OR56A3: variants seen among roughly 807,000 people sequenced by gnomAD.
OR56A3 encodes olfactory receptor 56A3.
Under a neutral mutation model 17.5 loss-of-function variants are expected in OR56A3, and 23 were observed. That is an observed-to-expected ratio of 1.32 (90% CI 0.95 to 1.87). OR56A3 has a LOEUF of 1.87. Ranked by LOEUF, OR56A3 falls within the 40% of genes most tolerant of loss-of-function variation. OR56A3 has a pLI of 0.00. For synonymous variants in OR56A3, 175 were observed against 150.6 expected (o/e 1.16, Z -1.19); for missense variants, 366 against 380.1 (o/e 0.96, Z 0.31).
the OR56A3 span, among the ~76,000 whole-genome samples, chr11:5,956,903 T>C: frequency 6.6e-6 from 1 of 152,184 alleles, no homozygotes; most frequent in African/African-American, 2.4e-5. Flanking sequence ...ACGCCTGTAA[T>C]CCCAGCACTT....
the OR56A3 span, chr11:6,007,064 G>A: frequency 1.3e-5 from 2 of 152,178 alleles, no homozygotes; most frequent in Non-Finnish European, 2.9e-5. Flanking sequence ...TGGATCCTGG[G>A]GCCCTATGGT....
chr11:6,006,014 T>C, the OR56A3 span, among the ~76,000 whole-genome samples: 1 of 152,052 alleles, frequency 6.6e-6, no homozygotes, highest in African/African-American at 2.4e-5. Flanking sequence ...GTGATTAAGA[T>C]CTGAACAAAA....
chr11:6,018,040 GTA>G, the OR56A3 span, among the ~76,000 whole-genome samples: 2,020 of 20,638 alleles, frequency 0.098, 42 homozygotes, highest in African/African-American at 0.24. Context: ...GTGTGTGTGT[GTA>G]TATATATATA....
At chr11:5,989,286 G>A in the OR56A3 span, among the ~76,000 whole-genome samples, 2 of 152,266 alleles carry the variant, frequency 1.3e-5, no homozygotes, top group Admixed American at 6.5e-5. Flanking sequence ...TTTAGCTAAG[G>A]AGTCAGAGAA....
chr11:5,960,988 G>C, the OR56A3 span, among the ~76,000 whole-genome samples: 1 of 150,852 alleles, frequency 6.6e-6, no homozygotes, highest in East Asian at 2.0e-4. Flanking sequence ...GTCTCTGACC[G>C]GCCGCCCCAT....
chr11:6,008,254 G>A, the OR56A3 span, among the ~76,000 whole-genome samples: 1 of 152,240 alleles, frequency 6.6e-6, no homozygotes, highest in South Asian at 2.1e-4. Flanking sequence ...AAATGTAGAT[G>A]GAATATAATC....
At position 5,948,969 on chromosome 11, in the gene OR56A3, T is replaced by G. The variant is rs138148444; in HGVS notation, c.*675T>G. The G allele has an allele frequency of 6.6e-6, 1 of 152,422 alleles. No homozygotes were observed. The highest frequency in any genetic ancestry group is 1.5e-5 in the Non-Finnish European group (1 of 68,078). 9.4% of individuals were successfully genotyped at this position (152,422 alleles called of 1,614,324 possible). ...ATGAGTTTTACTGGATATATGAGAT[T>G]CTTGAATCCTCTTCCCCAATGTGTC... On this transcript the variant is annotated 3_prime_UTR_variant, in exon 3 of 3. Coordinates refer to ENST00000641160, the MANE Select transcript of OR56A3 (RefSeq NM_001003443.3).
At position 5,951,084 on chromosome 11, in the gene OR56A3, G is replaced by T. The variant is rs534039492; in HGVS notation, c.*2790G>T. 1 of 152,054 alleles carries T rather than the reference G, an allele frequency of 6.6e-6. No homozygotes were observed. Among genetic ancestry groups the T allele is most frequent in the South Asian group, 2.1e-4 (1 of 4,818 alleles). 9.4% of individuals were successfully genotyped at this position (152,054 alleles called of 1,614,324 possible). Reference sequence around the variant, plus strand: ...TGCAATAACATGAGTGCTAAATCTTGGAAACCAAGGTGAGAAGATTTATTT... The same window carrying T: ...TGCAATAACATGAGTGCTAAATCTTTGAAACCAAGGTGAGAAGATTTATTT... On this transcript the variant is annotated 3_prime_UTR_variant, in exon 3 of 3. Coordinates refer to ENST00000641160, the MANE Select transcript of OR56A3 (RefSeq NM_001003443.3).
the OR56A3 span, chr11:6,002,825 G>C: frequency 6.2e-7 from 1 of 1,613,900 alleles, no homozygotes; most frequent in African/African-American, 1.3e-5. Flanking sequence ...GGTGCAGAGA[G>C]GCCTCCAGCT....
At chr11:5,955,746 T>C (rs1221933753), downstream of OR56A3, among the ~76,000 whole-genome samples, 1 of 152,210 alleles carries the variant, frequency 6.6e-6, no homozygotes, top group African/African-American at 2.4e-5. Flanking sequence ...AATTTTTCTC[T>C]TTTCACTCTT....
At chr11:6,018,350 A>G in the OR56A3 span, among the ~76,000 whole-genome samples, 3 of 152,158 alleles carry the variant, frequency 2.0e-5, no homozygotes, top group African/African-American at 7.2e-5. Context: ...AACAAATCTC[A>G]ACAAATTTTT....
At chr11:5,986,425 C>T in the OR56A3 span, 1 of 1,613,980 alleles carries the variant, frequency 6.2e-7, no homozygotes, top group Non-Finnish European at 8.5e-7. Context: ...TAGTAATCCC[C>T]TCACCAGCAC....
chr11:6,017,438 T>C, the OR56A3 span, among the ~76,000 whole-genome samples: 5 of 152,118 alleles, frequency 3.3e-5, no homozygotes, highest in Admixed American at 6.5e-5. Context: ...AAGTCACATC[T>C]AAGGGAGCAT....
At position 5,948,347 on chromosome 11, in the gene OR56A3, T is replaced by C; in HGVS notation, c.*53T>C. 1 of 1,259,316 alleles carries C rather than the reference T, an allele frequency of 7.9e-7. No homozygotes were observed. Among genetic ancestry groups the C allele is most frequent in the South Asian group, 1.4e-5 (1 of 73,260 alleles). 78.0% of individuals were successfully genotyped at this position (1,259,316 alleles called of 1,614,324 possible). ...AAAATAAGATAATTTATTAATCACTTAATGAGTGAGTGGGCTGAAATTCAT... is the reference window on the plus strand; with the variant it reads ...AAAATAAGATAATTTATTAATCACTCAATGAGTGAGTGGGCTGAAATTCAT... On this transcript the variant is annotated 3_prime_UTR_variant, in exon 3 of 3. Transcript: ENST00000641160.
At chr11:5,972,056 T>C in the OR56A3 span, among the ~76,000 whole-genome samples, 1 of 152,218 alleles carries the variant, frequency 6.6e-6, no homozygotes, top group Admixed American at 6.5e-5. Context: ...TCATTAACAC[T>C]GGAACTTGTT....
chr11:5,968,085 G>GATGA, the OR56A3 span: 1 of 1,613,692 alleles, frequency 6.2e-7, no homozygotes, highest in Non-Finnish European at 8.5e-7. Flanking sequence ...AGTGATGATG[G>GATGA]ATGAGTACTG....
At chr11:6,002,767 G>A in the OR56A3 span, 2 of 1,614,034 alleles carry the variant, frequency 1.2e-6, no homozygotes, top group East Asian at 2.2e-5. Flanking sequence ...GTGAGGCAGA[G>A]CACGATGTCC....
At chr11:5,977,112 T>A in the OR56A3 span, among the ~76,000 whole-genome samples, 1 of 152,280 alleles carries the variant, frequency 6.6e-6, no homozygotes, top group South Asian at 2.1e-4. Flanking sequence ...TCCAACCCAC[T>A]GTTGATGGGC....
the OR56A3 span, among the ~76,000 whole-genome samples, chr11:6,005,113 A>G: frequency 6.6e-6 from 1 of 152,192 alleles, no homozygotes; most frequent in Non-Finnish European, 1.5e-5. Context: ...CCTAAAAGCT[A>G]TTTCAATTCC....
Sources: allele counts gnomAD v4.1 joint callset (sites outside exome capture counted in the v4.1 genomes callset), GRCh38; gene constraint gnomAD v4.1.1; transcripts MANE v1.5; gene names NCBI Gene and HGNC (gene_info 2026-07-23, HGNC 2026-07-21).